ARHGAP29: variants seen among roughly 807,000 people sequenced by gnomAD.
ARHGAP29 encodes Rho GTPase activating protein 29, also known as rho GTPase-activating protein 29.
ARHGAP29 carries 43 observed loss-of-function variants against 122.6 expected under a neutral mutation model. The ratio of observed to expected loss-of-function variants is 0.35; its 90% CI spans 0.27 to 0.45. The LOEUF is 0.45. Ranked by LOEUF, ARHGAP29 falls within the 20% of genes least tolerant of loss-of-function variation. The pLI is 1.00. For missense variants in ARHGAP29, 1,303 were observed against 1,477.2 expected (o/e 0.88, Z 1.93); for synonymous variants, 506 against 497.1 (o/e 1.02, Z -0.24).
At chr1:94,270,331 G>A (rs867814294) in intron 1 of ARHGAP29, among the ~76,000 whole-genome samples, 1 of 152,202 alleles carries the variant, frequency 6.6e-6, no homozygotes, top group Non-Finnish European at 1.5e-5. Flanking sequence ...AGGAAGCACA[G>A]AGTCTGATGA....
At chr1:94,206,314 C>T (rs1651182017) in intron 5 of ARHGAP29, among the ~76,000 whole-genome samples, 1 of 152,044 alleles carries the variant, frequency 6.6e-6, no homozygotes, top group Non-Finnish European at 1.5e-5. Flanking sequence ...TTGCATTGTG[C>T]TGGAAAACAT....
In ARHGAP29 at chr1:94,171,899, A is replaced by G. The variant is rs1648758981; in HGVS notation, c.*1970T>C. On this transcript the variant is annotated 3_prime_UTR_variant, in exon 23 of 23. Coordinates refer to ENST00000260526, the MANE Select transcript of ARHGAP29 (RefSeq NM_004815.4). ...GATGATGATAATGTTCTGGAGATGA[A>G]TAGGTGCTCATGGTTGCAAAACAAT... 1 of 152,218 alleles carries G rather than the reference A, an allele frequency of 6.6e-6. No individual in the cohort carries two copies. The allele number at this position is 152,218 out of a possible 1,614,324, so 9.4% of individuals were successfully genotyped here.
chr1:94,221,911 G>C (rs911951696), intron 2 of ARHGAP29, among the ~76,000 whole-genome samples: 12 of 151,286 alleles, frequency 7.9e-5, no homozygotes, highest in Non-Finnish European at 1.3e-4. Flanking sequence ...TTCCTGGACT[G>C]GGGCAGAAAT....
intron 22 of ARHGAP29, among the ~76,000 whole-genome samples, chr1:94,175,579 T>C (rs1240827360): frequency 6.6e-6 from 1 of 152,174 alleles, no homozygotes; most frequent in Non-Finnish European, 1.5e-5. Context: ...CCCACATCTC[T>C]TAGGCAGTGG....
At position 94,215,509 on chromosome 1, in the gene ARHGAP29, T is replaced by C. The variant is rs888834331; in HGVS notation, c.340+4749A>G. Among the ~76,000 whole-genome samples the C allele has an allele frequency of 2.6e-5, 4 of 152,094 alleles. No individual in the cohort carries two copies. In the East Asian group the frequency reaches 5.8e-4, roughly 22 times the overall value. On this transcript the variant is annotated intron_variant, in intron 3 of 22. Coordinates refer to ENST00000260526, the MANE Select transcript of ARHGAP29 (RefSeq NM_004815.4). ...GTGGAACAGAATTAAGGTCCATAAA[T>C]AGATATATGTGAGAATGTAGTGTAT... is the stretch of plus-strand genomic sequence containing the variant.
chr1:94,234,746 T>C (rs960448777), intron 1 of ARHGAP29, among the ~76,000 whole-genome samples: 28 of 152,152 alleles, frequency 1.8e-4, no homozygotes, highest in African/African-American at 6.5e-4. Flanking sequence ...GGCAGCTCTT[T>C]TACAAATCAC....
intron 1 of ARHGAP29, among the ~76,000 whole-genome samples, chr1:94,249,246 C>T (rs1215046681): frequency 6.6e-6 from 1 of 152,092 alleles, no homozygotes; most frequent in African/African-American, 2.4e-5. Flanking sequence ...TTTTGGAGGA[C>T]GAGGACTAAC....
Position 94,177,967 on chromosome 1 carries a change from T to C in ARHGAP29, c.2681A>G (p.Asp894Gly), listed in dbSNP as rs548518192. ...KIFDGSLQPQDVMCSIGVVDQ... is the reference protein window; with the variant it reads ...KIFDGSLQPQGVMCSIGVVDQ... ...AACAACACCTATGCTACACATAACA[T>C]CTTGTGGTTGTAGGGACCCATCGAA... The change falls in exon 21 of 23, where the codon GAT becomes GGT. Residue 894 changes from aspartate to glycine, a missense_variant. This residue lies in a region of ARHGAP29 where 620 missense variants were observed against 651.2 expected (regional missense o/e 0.95). Coordinates refer to ENST00000260526, the MANE Select transcript of ARHGAP29 (RefSeq NM_004815.4). 5.6e-6 allele frequency: 9 copies of C among 1,614,118 alleles called. No homozygotes were observed. The highest frequency in any genetic ancestry group is 5.5e-5 in the South Asian group (5 of 91,084).
intron 3 of ARHGAP29, among the ~76,000 whole-genome samples, chr1:94,213,576 T>C (rs1292686222): frequency 6.6e-6 from 1 of 152,240 alleles, no homozygotes; most frequent in Non-Finnish European, 1.5e-5. Context: ...GATACATAAA[T>C]GGATAAGACT....
rs751373614 is a variant in ARHGAP29 at position 94,221,615 on chromosome 1, TTAAA to T, written c.206-1227_206-1224del. Among the ~76,000 whole-genome samples the T allele has an allele frequency of 4.6e-5, 7 of 150,780 alleles. No individual in the cohort carries two copies. In the South Asian group the frequency reaches 6.3e-4, roughly 13 times the overall value. On this transcript the variant is annotated intron_variant, in intron 2 of 22. Transcript: ENST00000260526. ...CATATAGAAATATTTGTGTATATAC[TTAAA>T]TATATATACATACATATGTACATAT... is the stretch of plus-strand genomic sequence containing the variant.
chr1:94,307,876 T>G, the ARHGAP29 span, among the ~76,000 whole-genome samples: 1 of 152,218 alleles, frequency 6.6e-6, no homozygotes, highest in African/African-American at 2.4e-5. Flanking sequence ...GGGAAAGGCC[T>G]TATAAAGCAA....
the ARHGAP29 span, among the ~76,000 whole-genome samples, chr1:94,308,414 A>G: frequency 6.6e-6 from 1 of 152,268 alleles, no homozygotes; most frequent in Admixed American, 6.5e-5. Flanking sequence ...CTCTGATTAC[A>G]ATTTGTTGCA....
chr1:94,223,191 G>T (rs977735652), intron 2 of ARHGAP29, among the ~76,000 whole-genome samples: 1 of 152,126 alleles, frequency 6.6e-6, no homozygotes, highest in African/African-American at 2.4e-5. Context: ...TGATCCATCC[G>T]CCTCGGCCTC....
At chr1:94,182,276 C>T (rs960622975) in intron 19 of ARHGAP29, among the ~76,000 whole-genome samples, 12 of 147,758 alleles carry the variant, frequency 8.1e-5, no homozygotes, top group Non-Finnish European at 1.6e-4. Flanking sequence ...TGTAAGAAAA[C>T]AAAAAAAAAG....
intron 12 of ARHGAP29, among the ~76,000 whole-genome samples, chr1:94,196,423 G>A (rs557563472): frequency 1.5e-4 from 23 of 150,734 alleles, no homozygotes; most frequent in South Asian, 4.2e-4. Context: ...TACCACGCCC[G>A]GCTAATTTTT....
chr1:94,297,474 C>T, the ARHGAP29 span, among the ~76,000 whole-genome samples: 1 of 152,206 alleles, frequency 6.6e-6, no homozygotes, highest in South Asian at 2.1e-4. Context: ...ATAATGTTAT[C>T]TGATTCTCAT....
At chr1:94,226,385 C>CA (rs1374985549) in intron 2 of ARHGAP29, among the ~76,000 whole-genome samples, 2 of 151,900 alleles carry the variant, frequency 1.3e-5, no homozygotes, top group Non-Finnish European at 2.9e-5. Flanking sequence ...ACAAAAACCC[C>CA]ATTATCTCCT....
At chr1:94,196,006 T>C (rs1650428640) in intron 12 of ARHGAP29, 1 of 152,112 alleles carries the variant, frequency 6.6e-6, no homozygotes, top group African/African-American at 2.4e-5. Flanking sequence ...CAAAAACTGA[T>C]AGAACTAAAA....
intron 19 of ARHGAP29, among the ~76,000 whole-genome samples, chr1:94,181,426 A>C (rs1328912413): frequency 2.5e-4 from 38 of 152,182 alleles, no homozygotes. Flanking sequence ...CTATCTGAAA[A>C]TGGGGATTTA....
Sources: allele counts gnomAD v4.1 joint callset (sites outside exome capture counted in the v4.1 genomes callset), GRCh38; gene constraint gnomAD v4.1.1; regional missense constraint gnomAD v4.1.1; transcripts MANE v1.5; gene names NCBI Gene and HGNC (gene_info 2026-07-23, HGNC 2026-07-21).